Variants in AP2A1 observed in about 807,000 individuals in gnomAD.
AP2A1 encodes AP-2 complex subunit alpha-1.
A neutral mutation model predicts 107.3 loss-of-function variants in AP2A1; 21 were observed. That is an observed-to-expected ratio of 0.20 (90% CI 0.14 to 0.28). AP2A1 has a LOEUF of 0.28. Ranked by LOEUF, AP2A1 falls within the 10% of genes least tolerant of loss-of-function variation. The pLI is 1.00. For missense variants in AP2A1, 873 were observed against 1,307.7 expected, an observed-to-expected ratio of 0.67 and a Z score of 5.13; for synonymous variants, 602 against 564.8, an observed-to-expected ratio of 1.07 and a Z score of -0.93.
At chr19:49,786,417 C>T (rs1451405211) in intron 4 of AP2A1, among the ~76,000 whole-genome samples, 1 of 152,222 alleles carries the variant, frequency 6.6e-6, no homozygotes, top group Non-Finnish European at 1.5e-5. Flanking sequence ...GCGGGTGTCT[C>T]TCAGTTTGGA....
At chr19:49,777,322 C>G (rs1279106131) in intron 1 of AP2A1, among the ~76,000 whole-genome samples, 1 of 151,700 alleles carries the variant, frequency 6.6e-6, no homozygotes, top group Non-Finnish European at 1.5e-5. Flanking sequence ...ATTTTAAATA[C>G]AATTTAAGTA....
intron 4 of AP2A1, among the ~76,000 whole-genome samples, chr19:49,786,734 A>C (rs1305803738): frequency 6.6e-6 from 1 of 152,248 alleles, no homozygotes; most frequent in African/African-American, 2.4e-5. Flanking sequence ...AAGGACAGGC[A>C]GTCAGCATCA....
Position 49,806,818 on chromosome 19 carries a change from G to C in AP2A1, c.*60G>C. 1 of 1,608,530 alleles carries C rather than the reference G, an allele frequency of 6.2e-7. No homozygotes were observed. The highest frequency in any genetic ancestry group is 1.7e-5 in the Admixed American group (1 of 59,570). On this transcript the variant is annotated 3_prime_UTR_variant, in exon 23 of 23. Transcript: ENST00000354293. The stretch of plus-strand genomic sequence containing the variant: ...CTGGGCAGCCCCTTGGACTGAGGCA[G>C]TTTTGGTGGATGGGGGACCTCCACT...
intron 1 of AP2A1, among the ~76,000 whole-genome samples, chr19:49,768,838 AAC>A (rs1271840139): frequency 6.6e-6 from 1 of 152,168 alleles, no homozygotes; most frequent in African/African-American, 2.4e-5. Context: ...CTTCATTCAT[AAC>A]AGTGTCTTGC....
chr19:49,780,168 C>G (rs1028881554), intron 1 of AP2A1, among the ~76,000 whole-genome samples: 4 of 152,322 alleles, frequency 2.6e-5, no homozygotes, highest in African/African-American at 7.2e-5. Flanking sequence ...GGGCACTGCT[C>G]TAGGAGCTCC....
At chr19:49,779,213 T>C (rs1051011410) in intron 1 of AP2A1, among the ~76,000 whole-genome samples, 2 of 151,706 alleles carry the variant, frequency 1.3e-5, no homozygotes, top group Non-Finnish European at 2.9e-5. Flanking sequence ...GGCAGGCGCC[T>C]GTAGTCCCAG....
intron 1 of AP2A1, among the ~76,000 whole-genome samples, chr19:49,774,168 C>T (rs1430719029): frequency 6.6e-6 from 1 of 152,186 alleles, no homozygotes; most frequent in Admixed American, 6.5e-5. Context: ...CCAGCCCCAC[C>T]CGTTTCCAGC....
At chr19:49,789,737 C>T (rs1396941957) in intron 4 of AP2A1, among the ~76,000 whole-genome samples, 2 of 152,014 alleles carry the variant, frequency 1.3e-5, no homozygotes, top group Non-Finnish European at 2.9e-5. Flanking sequence ...CCTGGCCCAC[C>T]ATCTTATTTC....
intron 1 of AP2A1, among the ~76,000 whole-genome samples, chr19:49,770,682 C>A (rs2084547434): frequency 1.3e-5 from 2 of 152,062 alleles, no homozygotes; most frequent in South Asian, 4.1e-4. Context: ...CAGGGATGGA[C>A]CTTGAAAACA....
At chr19:49,806,038 A>G in intron 21 of AP2A1, 81 bp from the exon 22 acceptor site, 3 of 1,608,080 alleles carry the variant, frequency 1.9e-6, no homozygotes, top group Non-Finnish European at 2.6e-6. Context: ...CCCATCCCCA[A>G]GGGTTTTTTG....
intron 15 of AP2A1, chr19:49,802,653 C>A: frequency 1.4e-6 from 2 of 1,469,566 alleles, no homozygotes; most frequent in East Asian, 2.4e-5. Context: ...TCGGGTGTCC[C>A]CAGGGAGAGT....
chr19:49,784,272 C>T (rs2084711657), intron 4 of AP2A1, among the ~76,000 whole-genome samples: 1 of 151,930 alleles, frequency 6.6e-6, no homozygotes, highest in Non-Finnish European at 1.5e-5. Context: ...ACTAAAAATA[C>T]AAAAATTAGC....
chr19:49,805,264 T>C (rs1046609113), intron 18 of AP2A1, 189 bp from the exon 19 acceptor site: 2 of 604,350 alleles, frequency 3.3e-6, no homozygotes, highest in Non-Finnish European at 5.4e-6. Context: ...AGGAGGCACC[T>C]AGGGGGCGCC....
chr19:49,784,551 A>C (rs189745589), intron 4 of AP2A1, among the ~76,000 whole-genome samples: 1 of 152,320 alleles, frequency 6.6e-6, no homozygotes. Flanking sequence ...ATATGAGTAA[A>C]GTTTAAGCAG....
intron 1 of AP2A1, among the ~76,000 whole-genome samples, chr19:49,776,763 C>T (rs985375805): frequency 1.3e-5 from 2 of 152,206 alleles, no homozygotes; most frequent in African/African-American, 4.8e-5. Flanking sequence ...CATCACGGGC[C>T]TTTAGATCTT....
At chr19:49,805,249 GC>G (rs1229473800) in intron 18 of AP2A1, 1 of 551,350 alleles carries the variant, frequency 1.8e-6, no homozygotes, top group Non-Finnish European at 3.1e-6. Context: ...ATTGTGGAAG[GC>G]CAAAGGAGGC....
At chr19:49,797,873 G>T (rs1176409341) in intron 7 of AP2A1, among the ~76,000 whole-genome samples, 1 of 152,112 alleles carries the variant, frequency 6.6e-6, no homozygotes. Context: ...TTGAGCCCAG[G>T]AGTTTGAGAT....
intron 1 of AP2A1, among the ~76,000 whole-genome samples, chr19:49,771,436 ATC>A (rs1323680791): frequency 8.5e-6 from 1 of 117,102 alleles, no homozygotes; most frequent in Admixed American, 9.0e-5. Flanking sequence ...TGTGAATTGT[ATC>A]TCTTTTTTTT....
At position 49,803,019 on chromosome 19, in the gene AP2A1, G is replaced by T. The variant is rs755100373; in HGVS notation, c.2171+14G>T. 1.9e-6 allele frequency: 3 copies of T among 1,613,786 alleles called. No homozygotes were observed. The highest frequency in any genetic ancestry group is 2.2e-5 in the South Asian group (2 of 91,060). On this transcript the variant is annotated intron_variant, in intron 16 of 22. Coordinates refer to ENST00000354293, the MANE Select transcript of AP2A1 (RefSeq NM_130787.3). ...GTTGCTGAATAAGTGAGTCCTGGGA[G>T]TGGTGGGGGAGGGGAACGGGACAGG...
Sources: gnomAD v4.1 joint callset for allele counts (sites outside exome capture counted in the v4.1 genomes callset) on GRCh38, gnomAD v4.1.1 for gene constraint, MANE v1.5 for transcripts, NCBI Gene and HGNC (gene_info 2026-07-23, HGNC 2026-07-21) for gene names.